Variants in CREB5 observed in about 807,000 individuals in gnomAD.
CREB5 encodes the protein cAMP responsive element binding protein 5.
CREB5 carries 19 observed loss-of-function variants against 57.1 expected under a neutral mutation model. The ratio of observed to expected loss-of-function variants is 0.33; its 90% CI spans 0.23 to 0.49. The LOEUF is 0.49. Ranked by LOEUF, CREB5 falls within the 20% of genes least tolerant of loss-of-function variation. The probability of loss-of-function intolerance (pLI) is 0.99; values close to 1 mark genes in which losing one functional copy is unlikely to be tolerated. For missense variants in CREB5, 579 were observed against 671.6 expected (o/e 0.86, Z 1.52); for synonymous variants, 238 against 238.3 (o/e 1.00, Z 0.01).
At chr7:28,707,342 C>T (rs890128611) in intron 5 of CREB5, among the ~76,000 whole-genome samples, 1 of 152,222 alleles carries the variant, frequency 6.6e-6, no homozygotes, top group Non-Finnish European at 1.5e-5. Flanking sequence ...AAGTCATTCT[C>T]ATGCCATACC....
intron 1 of CREB5, among the ~76,000 whole-genome samples, chr7:28,441,762 T>C (rs1263481997): frequency 6.6e-6 from 1 of 152,184 alleles, no homozygotes; most frequent in African/African-American, 2.4e-5. Flanking sequence ...CTCAAAGTCT[T>C]ATAGTTTATG....
intron 1 of CREB5, among the ~76,000 whole-genome samples, chr7:28,454,138 A>G (rs1419178112): frequency 6.6e-6 from 1 of 152,002 alleles, no homozygotes; most frequent in East Asian, 1.9e-4. Context: ...TATTTTTAGA[A>G]GAGACGGGGC....
At chr7:28,737,605 A>G (rs1804106453) in intron 7 of CREB5, among the ~76,000 whole-genome samples, 1 of 131,968 alleles carries the variant, frequency 7.6e-6, no homozygotes, top group South Asian at 2.5e-4. Flanking sequence ...CTCCTGTTTC[A>G]AAGGATACTT....
intron 1 of CREB5, among the ~76,000 whole-genome samples, chr7:28,399,716 A>G (rs1202389307): frequency 6.6e-6 from 1 of 152,080 alleles, no homozygotes; most frequent in Non-Finnish European, 1.5e-5. Flanking sequence ...GGAGTTTGAG[A>G]TCAGCCTGGG....
intron 1 of CREB5, among the ~76,000 whole-genome samples, chr7:28,486,090 T>C (rs573507488): frequency 4.7e-4 from 71 of 152,256 alleles, no homozygotes; most frequent in African/African-American, 1.7e-3. Context: ...TATTCATGGG[T>C]GGCCAAATGG....
chr7:28,629,802 A>G lies in CREB5; in HGVS notation c.464+59265A>G, dbSNP rs116803757. Among the ~76,000 whole-genome samples the G allele has an allele frequency of 4.1e-3, 625 of 152,348 alleles. 4 individuals are homozygous for G. Among genetic ancestry groups the G allele is most frequent in the African/African-American group, 0.015 (604 of 41,580 alleles). ...TGTCAGAGACATCATAAACATGTGA[A>G]GGCTCTTTCCTGTATTGAGTGTCCA... On this transcript the variant is annotated intron_variant, in intron 5 of 10. Coordinates refer to ENST00000357727, the MANE Select transcript of CREB5 (RefSeq NM_182898.4).
chr7:28,641,860 G>T (rs1798672256), intron 5 of CREB5, among the ~76,000 whole-genome samples: 1 of 152,194 alleles, frequency 6.6e-6, no homozygotes, highest in Admixed American at 6.5e-5. Flanking sequence ...TTTATGGATG[G>T]ATCATGGAAA....
chr7:28,460,576 G>A (rs1208867631), intron 1 of CREB5, among the ~76,000 whole-genome samples: 2 of 152,142 alleles, frequency 1.3e-5, no homozygotes, highest in African/African-American at 2.4e-5. Context: ...AGGGCAAAAG[G>A]GCATGGAAAG....
intron 5 of CREB5, among the ~76,000 whole-genome samples, chr7:28,713,525 GA>G (rs1802515159): frequency 6.6e-6 from 1 of 152,230 alleles, no homozygotes; most frequent in Admixed American, 6.5e-5. Flanking sequence ...GTTTTGATAT[GA>G]AGAACTAAAT....
chr7:28,341,298 A>G (rs113469298), intron 1 of CREB5, among the ~76,000 whole-genome samples: 48 of 152,232 alleles, frequency 3.2e-4, no homozygotes, highest in African/African-American at 9.9e-4. Context: ...AATATTTTAT[A>G]TTTATCTCTG....
chr7:28,469,164 T>C (rs1790712041), intron 1 of CREB5, among the ~76,000 whole-genome samples: 1 of 152,154 alleles, frequency 6.6e-6, no homozygotes, highest in South Asian at 2.1e-4. Context: ...GAGGCTGCAA[T>C]GAGCCGTGAT....
chr7:28,742,586 GA>G (rs998874089), intron 7 of CREB5, among the ~76,000 whole-genome samples: 4 of 151,584 alleles, frequency 2.6e-5, no homozygotes, highest in African/African-American at 9.7e-5. Context: ...AAAAGAAAAG[GA>G]AAGAAAAGAA....
intron 1 of CREB5, among the ~76,000 whole-genome samples, chr7:28,380,626 T>TTG (rs1399218952): frequency 6.6e-6 from 1 of 152,096 alleles, no homozygotes; most frequent in Non-Finnish European, 1.5e-5. Flanking sequence ...GGGGAGGCAG[T>TTG]TCGGAGAAAC....
chr7:28,443,797 T>A (rs1789304635), intron 1 of CREB5, among the ~76,000 whole-genome samples: 1 of 152,190 alleles, frequency 6.6e-6, no homozygotes, highest in African/African-American at 2.4e-5. Context: ...TCACTTACGA[T>A]GATGATGACT....
chr7:28,665,130 CTA>C (rs1194638010), intron 5 of CREB5, among the ~76,000 whole-genome samples: 6 of 152,138 alleles, frequency 3.9e-5, no homozygotes, highest in Non-Finnish European at 8.8e-5. Context: ...TCTCATTTCT[CTA>C]TGGAAGCATC....
intron 7 of CREB5, among the ~76,000 whole-genome samples, chr7:28,794,927 A>G (rs1807940324): frequency 6.6e-6 from 1 of 152,208 alleles, no homozygotes. Context: ...TAGAAATAGC[A>G]TGCCTGCCCA....
rs79642721 is a variant in CREB5, at chr7:28,510,884, G to T, written c.291+3147G>T. Among the ~76,000 whole-genome samples, 835 of 152,176 alleles carry T rather than the reference G, an allele frequency of 5.5e-3. 5 individuals carry two copies. Among genetic ancestry groups the T allele is most frequent in the African/African-American group, 0.018 (767 of 41,496 alleles). ...AAAGCATGTTGTAATTCACTATCAG[G>T]TATCATAAATGTCAACTTGCCAATG... On this transcript the variant is annotated intron_variant, in intron 4 of 10. Transcript: ENST00000357727.
At chr7:28,381,626 T>G (rs1438981266) in intron 1 of CREB5, among the ~76,000 whole-genome samples, 1 of 152,214 alleles carries the variant, frequency 6.6e-6, no homozygotes, top group Admixed American at 6.5e-5. Context: ...TCCTCTGCCC[T>G]CATTGTTTAA....
intron 2 of CREB5, among the ~76,000 whole-genome samples, chr7:28,492,228 G>A (rs2128596782): frequency 6.6e-6 from 1 of 152,326 alleles, no homozygotes; most frequent in South Asian, 2.1e-4. Context: ...TCGAACTCCT[G>A]ACCTCAGGTG....
Sources: allele counts gnomAD v4.1 joint callset (sites outside exome capture counted in the v4.1 genomes callset), GRCh38; gene constraint gnomAD v4.1.1; transcripts MANE v1.5; gene names NCBI Gene and HGNC (gene_info 2026-07-23, HGNC 2026-07-21).